The following KPNA1 variants were observed in gnomAD, a reference collection of about 807,000 sequenced individuals.
The protein encoded by KPNA1 is importin subunit alpha-5.
KPNA1 carries 10 observed loss-of-function variants against 70.5 expected under a neutral mutation model. That is an observed-to-expected ratio of 0.14 (90% CI 0.09 to 0.24). The LOEUF (loss-of-function observed/expected upper bound fraction) is 0.24. Ranked by LOEUF, KPNA1 falls within the 10% of genes least tolerant of loss-of-function variation. The pLI is 1.00. For synonymous variants in KPNA1, 192 were observed against 221.9 expected (o/e 0.87, Z 1.20); for missense variants, 397 against 637.9 (o/e 0.62, Z 4.07).
Position 122,426,949 on chromosome 3 carries a change from T to A in KPNA1, c.*36A>T, listed in dbSNP as rs368205703. On this transcript the variant is annotated 3_prime_UTR_variant, in exon 14 of 14. Coordinates refer to ENST00000344337, the MANE Select transcript of KPNA1 (RefSeq NM_002264.4). ...CACAAGAGGACTCGACTGGGTAGCC[T>A]GGTCTGACACAGGTACGTGAAAGCA... The A allele has an allele frequency of 9.5e-6, 15 of 1,573,684 alleles. No homozygotes were observed. In the African/African-American group the frequency reaches 1.1e-4, roughly 11 times the overall value.
chr3:122,470,737 T>TA (rs939074007), intron 2 of KPNA1, among the ~76,000 whole-genome samples: 1 of 148,956 alleles, frequency 6.7e-6, no homozygotes, highest in African/African-American at 2.5e-5. Context: ...CTAAGCAAAG[T>TA]AAAAAAGTAC....
chr3:122,487,674 C>T (rs983776566), intron 2 of KPNA1, among the ~76,000 whole-genome samples: 12 of 152,022 alleles, frequency 7.9e-5, no homozygotes, highest in African/African-American at 2.4e-4. Flanking sequence ...AAATATTGTA[C>T]GAGTCTACTT....
intron 5 of KPNA1, chr3:122,459,299 C>G (rs1320808057): frequency 2.9e-6 from 1 of 344,452 alleles, no homozygotes; most frequent in Non-Finnish European, 4.1e-6. Context: ...TATATACCAT[C>G]TATATTTAAT....
rs1197716965 is a variant in KPNA1, at chr3:122,433,800, G to A, written c.1123-12C>T. The A allele has an allele frequency of 4.5e-6, 7 of 1,567,862 alleles. No homozygotes were observed. The East Asian group carries it at 1.6e-4, about 35-fold the overall frequency. ...GCATCTATCACAGTCTAAAATTAAA[G>A]AAAAACTTAAATGGAAAAAACTGTG... On this transcript the variant is annotated splice_polypyrimidine_tract_variant and intron_variant, in intron 11 of 13. Transcript: ENST00000344337.
Position 122,449,531 on chromosome 3 carries a change from C to G in KPNA1, c.917+43G>C, listed in dbSNP as rs112201552. 58 of 1,528,258 alleles carry G rather than the reference C, an allele frequency of 3.8e-5. No homozygotes were observed. The African/African-American group carries it at 6.5e-4, about 17-fold the overall frequency. 94.7% of individuals were successfully genotyped at this position (1,528,258 alleles called of 1,614,324 possible). On this transcript the variant is annotated intron_variant, in intron 9 of 13. Coordinates refer to ENST00000344337, the MANE Select transcript of KPNA1 (RefSeq NM_002264.4). ...AGTATTAGCAGCTAGAAAACTAGTA[C>G]CAAGGGAGAGAAAGTGGACACACTT...
intron 2 of KPNA1, among the ~76,000 whole-genome samples, chr3:122,476,527 G>A (rs2076499428): frequency 6.6e-6 from 1 of 151,892 alleles, no homozygotes; most frequent in African/African-American, 2.4e-5. Flanking sequence ...ATCAGATAAG[G>A]GGTTAATATC....
intron 1 of KPNA1, among the ~76,000 whole-genome samples, chr3:122,498,833 C>G (rs2076792401): frequency 6.6e-6 from 1 of 152,122 alleles, no homozygotes; most frequent in Non-Finnish European, 1.5e-5. Flanking sequence ...GTCTGTAGAT[C>G]AGTTTGGGAA....
chr3:122,455,772 C>A (rs941671460), intron 5 of KPNA1, among the ~76,000 whole-genome samples: 1 of 152,016 alleles, frequency 6.6e-6, no homozygotes, highest in Non-Finnish European at 1.5e-5. Context: ...GTCAGGCTGG[C>A]CTTGAACTCC....
At chr3:122,505,576 G>C (rs2076881886) in intron 1 of KPNA1, among the ~76,000 whole-genome samples, 1 of 152,096 alleles carries the variant, frequency 6.6e-6, no homozygotes, top group Non-Finnish European at 1.5e-5. Flanking sequence ...ACCCTCTCAG[G>C]AATCAGAAGC....
chr3:122,492,005 G>A (rs1271326545), intron 2 of KPNA1, among the ~76,000 whole-genome samples: 1 of 151,042 alleles, frequency 6.6e-6, no homozygotes, highest in Non-Finnish European at 1.5e-5. Context: ...GGGACTACAG[G>A]CGCGCGCCAC....
chr3:122,440,240 AAAT>A (rs779145425), intron 10 of KPNA1, among the ~76,000 whole-genome samples: 8 of 151,914 alleles, frequency 5.3e-5, no homozygotes, highest in Non-Finnish European at 1.2e-4. Flanking sequence ...AAAGAAAAAA[AAAT>A]AAGTACCTAA....
intron 2 of KPNA1, among the ~76,000 whole-genome samples, chr3:122,494,875 T>G (rs1392019683): frequency 6.6e-6 from 1 of 152,202 alleles, no homozygotes; most frequent in South Asian, 2.1e-4. Flanking sequence ...GGTGGTTATA[T>G]TCAGACCTAT....
chr3:122,444,562 G>A (rs1216827757), intron 9 of KPNA1, among the ~76,000 whole-genome samples: 1 of 152,188 alleles, frequency 6.6e-6, no homozygotes, highest in Non-Finnish European at 1.5e-5. Flanking sequence ...CTTCTGCCAT[G>A]GCTTCAGCCG....
chr3:122,489,057 CGTGTGT>C (rs34002370), intron 2 of KPNA1, among the ~76,000 whole-genome samples: 7 of 130,728 alleles, frequency 5.4e-5, no homozygotes, highest in East Asian at 2.2e-4. Context: ...TTTTTGCGTG[CGTGTGT>C]GTGTGTGTGT....
rs745539031 is a variant in KPNA1 at position 122,451,996 on chromosome 3, A to G, written c.633T>C (p.Asn211=). ...CTTACTGCAAAAGAGGGGGAAGGAT[A>G]TTGCAGTCTAAGACATAGTCCCTGC... ...TMCRDYVLDC[N]ILPPLLQLFS... is the part of the protein sequence containing the mutation. The change falls in exon 7 of 14, where the codon AAT becomes AAC. Residue 211 remains asparagine, a synonymous_variant. Coordinates refer to ENST00000344337, the MANE Select transcript of KPNA1 (RefSeq NM_002264.4). 2.2e-5 allele frequency: 36 copies of G among 1,600,920 alleles called. No homozygotes were observed. The highest frequency in any genetic ancestry group is 3.1e-5 in the Non-Finnish European group (36 of 1,172,782).
chr3:122,500,759 C>T (rs367946017), intron 1 of KPNA1, among the ~76,000 whole-genome samples: 6 of 152,172 alleles, frequency 3.9e-5, no homozygotes, highest in East Asian at 1.9e-4. Context: ...CTGTCTTGGC[C>T]TCTCAAAGTG....
At chr3:122,461,478 G>C (rs2076323439) in intron 4 of KPNA1, among the ~76,000 whole-genome samples, 160 bp from the exon 5 acceptor site, 1 of 152,104 alleles carries the variant, frequency 6.6e-6, no homozygotes, top group South Asian at 2.1e-4. Flanking sequence ...ATCACTTTGA[G>C]GACAGGGTAG....
intron 2 of KPNA1, among the ~76,000 whole-genome samples, chr3:122,478,415 A>G (rs972680420): frequency 3.9e-5 from 6 of 152,072 alleles, no homozygotes; most frequent in African/African-American, 1.4e-4. Context: ...TGAGGTCAGG[A>G]GTTCAAGACC....
At chr3:122,507,267 C>G (rs1020014427) in intron 1 of KPNA1, among the ~76,000 whole-genome samples, 1 of 152,004 alleles carries the variant, frequency 6.6e-6, no homozygotes, top group Non-Finnish European at 1.5e-5. Flanking sequence ...ATGGGGAAAC[C>G]CCATTTCTAT....
Sources: allele counts gnomAD v4.1 joint callset (sites outside exome capture counted in the v4.1 genomes callset), GRCh38; gene constraint gnomAD v4.1.1; transcripts MANE v1.5; gene names NCBI Gene and HGNC (gene_info 2026-07-23, HGNC 2026-07-21).